The following COQ6 variants were observed in gnomAD, a reference collection of about 807,000 sequenced individuals.
COQ6 encodes the protein coenzyme Q6, monooxygenase.
Under a neutral mutation model 55.5 loss-of-function variants are expected in COQ6, and 45 were observed. The observed-to-expected ratio is 0.81, with a 90% confidence interval of 0.64 to 1.04. The LOEUF (loss-of-function observed/expected upper bound fraction) is 1.04. Ranked by LOEUF, COQ6 falls within the 50% of genes least tolerant of loss-of-function variation. The probability of loss-of-function intolerance (pLI) is 0.00; values close to 1 mark genes in which losing one functional copy is unlikely to be tolerated. For synonymous variants in COQ6, 206 were observed against 230.5 expected (o/e 0.89, Z 0.96); for missense variants, 550 against 601.3 (o/e 0.91, Z 0.89).
chr14:73,951,746 A>G (rs1222647149), intron 1 of COQ6, among the ~76,000 whole-genome samples: 1 of 150,966 alleles, frequency 6.6e-6, no homozygotes, highest in African/African-American at 2.4e-5. Flanking sequence ...GGGGAAGCCA[A>G]AAGATTGGAC....
chr14:73,959,262 C>T, intron 7 of COQ6, 38 bp downstream of exon 7: 1 of 1,614,210 alleles, frequency 6.2e-7, no homozygotes, highest in Non-Finnish European at 8.5e-7. Context: ...CACATGCATG[C>T]AAGCCTTTCC....
rs188395141 is a variant in COQ6, at chr14:73,956,099, C to A, written c.481+171C>A. ...CAGCACTTTTGGAGGCTAAGGCGGG[C>A]GGATCACGAGGTCAGGAGATGGAGA... On this transcript the variant is annotated intron_variant, in intron 4 of 11. Coordinates refer to ENST00000334571, the MANE Select transcript of COQ6 (RefSeq NM_182476.3). 6 of 810,728 alleles carry A rather than the reference C, an allele frequency of 7.4e-6. No individual in the cohort carries two copies. In the East Asian group the frequency reaches 1.5e-4, roughly 20 times the overall value. The allele number at this position is 810,728 out of a possible 1,614,324, so 50.2% of individuals were successfully genotyped here.
chr14:73,950,924 C>T (rs902464716), intron 1 of COQ6, among the ~76,000 whole-genome samples: 1 of 152,196 alleles, frequency 6.6e-6, no homozygotes, highest in Non-Finnish European at 1.5e-5. Context: ...TGTATATCTT[C>T]TTTAGAGAAA....
At position 73,953,559 on chromosome 14, in the gene COQ6, G is replaced by A. The variant is rs574153776; in HGVS notation, c.288G>A (p.Thr96=). 52 of 1,614,174 alleles carry A rather than the reference G, an allele frequency of 3.2e-5. No homozygotes were observed. Among genetic ancestry groups the A allele is most frequent in the African/African-American group, 1.3e-4 (10 of 75,022 alleles). The part of the protein sequence containing the change: ...RVSSISPGSA[T]LLSSFGAWDH... The stretch of plus-strand genomic sequence containing the variant: ...GCTCCATTTCCCCTGGCTCTGCAAC[G>A]CTTCTCAGTAGTGAGTAGAAGATCC... The change falls in exon 2 of 12, where the codon ACG becomes ACA. Residue 96 remains threonine, a synonymous_variant. Coordinates refer to ENST00000334571, the MANE Select transcript of COQ6 (RefSeq NM_182476.3).
At chr14:73,951,560 T>G (rs888521366) in intron 1 of COQ6, among the ~76,000 whole-genome samples, 3 of 148,664 alleles carry the variant, frequency 2.0e-5, no homozygotes, top group Admixed American at 2.0e-4. Context: ...ACTCCTGATC[T>G]CGTGATCCAC....
intron 2 of COQ6, among the ~76,000 whole-genome samples, chr14:73,954,944 T>A (rs113358234): frequency 0.41 from 55,848 of 134,978 alleles, 12,657 homozygotes; most frequent in South Asian, 0.49. Flanking sequence ...GTCTTTTTTT[T>A]TTTTATTTTA....
upstream of COQ6, chr14:73,950,073 C>T (rs770361709): frequency 1.9e-5 from 30 of 1,605,728 alleles, no homozygotes; most frequent in Non-Finnish European, 2.5e-5. Context: ...ATAGTGGCAG[C>T]AGCGGTGGCA....
chr14:73,957,925 C>CA (rs1195195613), intron 4 of COQ6: 1 of 512,316 alleles, frequency 2.0e-6, no homozygotes, highest in Non-Finnish European at 3.5e-6. Flanking sequence ...GTGCCTCTGA[C>CA]AGAGTTCACT....
intron 4 of COQ6, among the ~76,000 whole-genome samples, chr14:73,957,097 TA>T (rs766207342): frequency 2.0e-4 from 25 of 125,676 alleles, no homozygotes; most frequent in South Asian, 8.1e-4. Flanking sequence ...TTATTATTAT[TA>T]TTATTTTTTT....
Position 73,961,812 on chromosome 14 carries a change from T to TG in COQ6, c.1286_1287insG (p.Leu430ThrfsTer71), listed in dbSNP as rs1319959189. The TG allele has an allele frequency of 6.2e-7, 1 of 1,614,182 alleles. No individual in the cohort carries two copies. On this transcript the variant is annotated frameshift_variant, in exon 11 of 12. Transcript: ENST00000334571. LOFTEE classifies it high-confidence loss of function. Reference sequence around the variant, plus strand: ...ACTGCTCTTCTGGCTGCTACAGACTTACTAAAAAGGCTCTATTCTACCAGT... The same window carrying TG: ...ACTGCTCTTCTGGCTGCTACAGACTTGACTAAAAAGGCTCTATTCTACCAGT...
intron 4 of COQ6, 190 bp downstream of exon 4, chr14:73,956,118 A>G (rs1371313053): frequency 4.0e-5 from 25 of 617,410 alleles, no homozygotes; most frequent in Non-Finnish European, 6.0e-5. Flanking sequence ...AGGTCAGGAG[A>G]TGGAGACCAT....
chr14:73,960,733 G>T (rs1455557592), intron 8 of COQ6: 1 of 511,018 alleles, frequency 2.0e-6, no homozygotes, highest in Non-Finnish European at 3.0e-6. Flanking sequence ...ATAGGATGCT[G>T]TGGAAGCATA....
chr14:73,958,434 G>A, intron 5 of COQ6, 157 bp downstream of exon 5: 1 of 1,499,114 alleles, frequency 6.7e-7, no homozygotes, highest in Non-Finnish European at 8.9e-7. Flanking sequence ...AAGTGGAGAT[G>A]GTCTCATCGT....
rs1279452916 is a variant in COQ6 at position 73,959,076 on chromosome 14, G to C, written c.718G>C (p.Glu240Gln). The C allele has an allele frequency of 1.2e-6, 2 of 1,614,082 alleles. No individual in the cohort carries two copies. Among genetic ancestry groups the C allele is most frequent in the African/African-American group, 2.7e-5 (2 of 74,924 alleles). The change falls in exon 6 of 12, where the codon GAG becomes CAG. Residue 240 changes from glutamate to glutamine, a missense_variant and splice_region_variant. Transcript: ENST00000334571. Reference protein sequence around the residue: ...SAVVATLHLSEATENNVAWQR... With the variant: ...SAVVATLHLSQATENNVAWQR... The stretch of plus-strand genomic sequence containing the variant: ...TGTTGTGGCTACTCTGCATTTATCA[G>C]AGGTAAGATCCTGAGCTGCCATCTG...
intron 1 of COQ6, among the ~76,000 whole-genome samples, chr14:73,951,449 A>G (rs191409206): frequency 3.3e-5 from 5 of 150,918 alleles, no homozygotes; most frequent in Admixed American, 2.0e-4. Flanking sequence ...ATCTCAGCTC[A>G]CTGCAACCTC....
At chr14:73,952,114 C>CTTTTTTTTT (rs869273031) in intron 1 of COQ6, among the ~76,000 whole-genome samples, 5 of 73,730 alleles carry the variant, frequency 6.8e-5, no homozygotes, top group Non-Finnish European at 1.3e-4. Flanking sequence ...CTGGAGCTAA[C>CTTTTTTTTT]TTTTTTTTTT....
intron 8 of COQ6, chr14:73,960,301 T>C: frequency 3.0e-6 from 3 of 986,156 alleles, no homozygotes; most frequent in Non-Finnish European, 3.6e-6. Context: ...AGAGAACTTT[T>C]GTAAAATCCA....
chr14:73,960,828 A>G (rs1159674678), intron 8 of COQ6: 3 of 399,312 alleles, frequency 7.5e-6, no homozygotes, highest in South Asian at 4.4e-5. Flanking sequence ...CTAATGAAAT[A>G]GAGACGGGCA....
intron 4 of COQ6, chr14:73,956,266 T>G: frequency 3.2e-6 from 1 of 312,064 alleles, no homozygotes. Context: ...AGGTGGAGCT[T>G]GCAGTGAGCC....
Sources: gnomAD v4.1 joint callset for allele counts (sites outside exome capture counted in the v4.1 genomes callset) on GRCh38, gnomAD v4.1.1 for gene constraint, MANE v1.5 for transcripts, NCBI Gene and HGNC (gene_info 2026-07-23, HGNC 2026-07-21) for gene names.